TXNRD3: variants seen among roughly 807,000 people sequenced by gnomAD.
TXNRD3 encodes the protein TXNRD3 neighbor gene protein.
In TXNRD3, 68 loss-of-function variants were observed where a neutral mutation model predicts 78.2. The ratio of observed to expected loss-of-function variants is 0.87; its 90% confidence interval spans 0.72 to 1.06. The LOEUF is 1.06. Ranked by LOEUF, TXNRD3 falls within the 50% of genes least tolerant of loss-of-function variation. The pLI, the probability that TXNRD3 is intolerant of heterozygous loss-of-function variation, is 0.00. For missense variants in TXNRD3, 751 were observed against 809.5 expected (o/e 0.93, Z 0.88); for synonymous variants, 296 against 300.1 (o/e 0.99, Z 0.14).
intron 10 of TXNRD3, among the ~76,000 whole-genome samples, chr3:126,623,851 C>CAAAAAAGAAAAAAAAA (rs758992893): frequency 1.1e-5 from 1 of 89,760 alleles, no homozygotes; most frequent in Non-Finnish European, 2.3e-5. Flanking sequence ...TGAAACAAGG[C>CAAAAAAGAAAAAAAAA]CAAAAAAAAA....
At chr3:126,639,831 C>A (rs1284576971) in intron 6 of TXNRD3, among the ~76,000 whole-genome samples, 1 of 152,106 alleles carries the variant, frequency 6.6e-6, no homozygotes, top group African/African-American at 2.4e-5. Flanking sequence ...TGGGCTTGAA[C>A]AATCCTTCTA....
intron 1 of TXNRD3, 26 bp from the exon 2 acceptor site, chr3:126,647,322 C>T (rs1933264415): frequency 2.0e-6 from 3 of 1,491,818 alleles, no homozygotes; most frequent in Non-Finnish European, 2.7e-6. Context: ...AGCTAAGTTT[C>T]ACTCTCAGAA....
Position 126,622,459 on chromosome 3 carries a change from C to T in TXNRD3, c.1367+5G>A, listed in dbSNP as rs532363910. 6.5e-7 allele frequency: 1 copy of T among 1,533,626 alleles called. No homozygotes were observed. Among genetic ancestry groups the T allele is most frequent in the Admixed American group, 2.0e-5 (1 of 50,736 alleles). ...GCAACAGTGCAGTGATCCCAATATA[C>T]TTACTTCTCATTAATTTTGACACCA... On this transcript the variant is annotated splice_donor_5th_base_variant and intron_variant, in intron 11 of 15. Transcript: ENST00000524230.
intron 5 of TXNRD3, among the ~76,000 whole-genome samples, chr3:126,643,129 G>A (rs1045886691): frequency 1.3e-5 from 2 of 152,102 alleles, no homozygotes; most frequent in African/African-American, 4.8e-5. Flanking sequence ...AGCAGGGAAG[G>A]AGCCAGGGGA....
intron 14 of TXNRD3, chr3:126,609,288 G>C (rs910989976): frequency 1.7e-5 from 4 of 234,864 alleles, no homozygotes; most frequent in Non-Finnish European, 3.8e-5. Context: ...GACTATAAAA[G>C]GGCAACGGAG....
At position 126,655,079 on chromosome 3, in the gene TXNRD3, C is replaced by T; in HGVS notation, c.-89G>A. The T allele has an allele frequency of 2.3e-6, 3 of 1,295,450 alleles. No individual in the cohort carries two copies. The highest frequency in any genetic ancestry group is 2.2e-5 in the South Asian group (1 of 46,502). The allele number at this position is 1,295,450 out of a possible 1,614,324, so 80.2% of individuals were successfully genotyped here. A position where few individuals can be genotyped will look rare whatever the true frequency, so the allele number is the denominator to read the frequency against. On this transcript the variant is annotated 5_prime_UTR_variant, in exon 1 of 16. Transcript: ENST00000524230. Reference sequence around the variant, plus strand: ...CGCCGGGACGGGGCCTGAGGGGCGGCGAACGCTGCCCTCGCTGGCCACTCT... The same window carrying T: ...CGCCGGGACGGGGCCTGAGGGGCGGTGAACGCTGCCCTCGCTGGCCACTCT...
chr3:126,653,834 G>A (rs1281750957), intron 1 of TXNRD3, among the ~76,000 whole-genome samples: 1 of 152,090 alleles, frequency 6.6e-6, no homozygotes, highest in South Asian at 2.1e-4. Flanking sequence ...TCATCCCAGG[G>A]AATAGTCAGC....
At chr3:126,647,425 T>A in intron 1 of TXNRD3, 129 bp from the exon 2 acceptor site, 1 of 658,910 alleles carries the variant, frequency 1.5e-6, no homozygotes, top group East Asian at 2.8e-5. Context: ...ACGTGTGGTT[T>A]TTGTTTTTGT....
At chr3:126,622,164 G>C (rs559634158) in intron 11 of TXNRD3, among the ~76,000 whole-genome samples, 1 of 152,212 alleles carries the variant, frequency 6.6e-6, no homozygotes, top group African/African-American at 2.4e-5. Context: ...TTAGAGCTTT[G>C]GAATTTATCT....
intron 2 of TXNRD3, 26 bp downstream of exon 2, chr3:126,647,210 C>T: frequency 6.6e-7 from 1 of 1,504,122 alleles, no homozygotes; most frequent in Non-Finnish European, 8.9e-7. Context: ...TTATAAACAA[C>T]ACTATGTTGT....
At chr3:126,615,675 C>A (rs1246497101) in intron 12 of TXNRD3, among the ~76,000 whole-genome samples, 1 of 152,162 alleles carries the variant, frequency 6.6e-6, no homozygotes, top group Non-Finnish European at 1.5e-5. Context: ...GGCTAGCCAC[C>A]AACAAATGGG....
At chr3:126,635,792 A>AT (rs1479010562) in intron 6 of TXNRD3, among the ~76,000 whole-genome samples, 1 of 151,984 alleles carries the variant, frequency 6.6e-6, no homozygotes, top group African/African-American at 2.4e-5. Context: ...AGTTATTTTC[A>AT]TTTTTTGTTA....
intron 6 of TXNRD3, among the ~76,000 whole-genome samples, chr3:126,637,818 T>G (rs1207614772): frequency 6.6e-6 from 1 of 151,966 alleles, no homozygotes; most frequent in Non-Finnish European, 1.5e-5. Flanking sequence ...CTTTACTACC[T>G]TCTCTTTGTA....
chr3:126,623,569 C>T (rs1305153494), intron 10 of TXNRD3, among the ~76,000 whole-genome samples: 4 of 152,152 alleles, frequency 2.6e-5, no homozygotes, highest in African/African-American at 9.7e-5. Flanking sequence ...TGTAATTCAT[C>T]ATATTAACAG....
intron 12 of TXNRD3, among the ~76,000 whole-genome samples, chr3:126,618,863 C>CAAAA (rs36021189): frequency 6.8e-5 from 5 of 73,098 alleles, no homozygotes; most frequent in Non-Finnish European, 1.1e-4. Context: ...AACTCAGAGC[C>CAAAA]AAAAAAAAAA....
chr3:126,618,732 G>A (rs1938371990), intron 12 of TXNRD3, among the ~76,000 whole-genome samples: 1 of 151,924 alleles, frequency 6.6e-6, no homozygotes, highest in Admixed American at 6.6e-5. Flanking sequence ...AAACTAAAAA[G>A]CTTCTGCAAT....
At chr3:126,654,700 G>C in intron 1 of TXNRD3, 48 bp downstream of exon 1, 1 of 1,209,318 alleles carries the variant, frequency 8.3e-7, no homozygotes, top group Non-Finnish European at 1.0e-6. Flanking sequence ...TGGCGTCCGC[G>C]TGGCGGGCCC....
Position 126,639,891 on chromosome 3 carries a change from A to G in TXNRD3, c.712+2141T>C, listed in dbSNP as rs181289891. On this transcript the variant is annotated intron_variant, in intron 6 of 15. Coordinates refer to ENST00000524230, the MANE Select transcript of TXNRD3 (RefSeq NM_052883.3). ...TTATAGGTGTGAGTCACTACGCCCA[A>G]CCAGAAGAAGGATTCTTGAAAGCAA... Among the ~76,000 whole-genome samples the G allele has an allele frequency of 4.0e-3, 609 of 152,036 alleles. 3 individuals are homozygous for G. Among genetic ancestry groups the G allele is most frequent in the Non-Finnish European group, 6.3e-3 (425 of 67,972 alleles).
intron 12 of TXNRD3, among the ~76,000 whole-genome samples, chr3:126,617,662 G>A (rs2107612013): frequency 6.6e-6 from 1 of 152,320 alleles, no homozygotes; most frequent in South Asian, 2.1e-4. Flanking sequence ...GTTAAGAACT[G>A]GAGCAAGACA....
Sources: allele counts gnomAD v4.1 joint callset (sites outside exome capture counted in the v4.1 genomes callset), GRCh38; gene constraint gnomAD v4.1.1; transcripts MANE v1.5; gene names NCBI Gene and HGNC (gene_info 2026-07-23, HGNC 2026-07-21).